LOC128462377: variants seen among roughly 807,000 people sequenced by gnomAD.
chr16:89,412,561 C>G, the LOC128462377 span: 8 of 152,200 alleles, frequency 5.3e-5, no homozygotes, highest in African/African-American at 1.9e-4. Flanking sequence ...AACCCAATTA[C>G]ATCTGGGAAG....
the LOC128462377 span, among the ~76,000 whole-genome samples, chr16:89,335,920 C>T: frequency 1.3e-5 from 2 of 152,222 alleles, no homozygotes; most frequent in Non-Finnish European, 2.9e-5. Flanking sequence ...CAGACCCCTG[C>T]CTGTGCTGAG....
chr16:89,392,489 T>G, the LOC128462377 span: 1 of 152,236 alleles, frequency 6.6e-6, no homozygotes, highest in African/African-American at 2.4e-5. Context: ...TTTGAAAATG[T>G]CTCAATGGGT....
chr16:89,379,984 C>T, the LOC128462377 span, among the ~76,000 whole-genome samples: 1 of 152,222 alleles, frequency 6.6e-6, no homozygotes, highest in Non-Finnish European at 1.5e-5. Flanking sequence ...ACACTATTTT[C>T]TGCATCTCCA....
At chr16:89,361,221 G>A in the LOC128462377 span, among the ~76,000 whole-genome samples, 14 of 152,328 alleles carry the variant, frequency 9.2e-5, 1 homozygote, top group African/African-American at 3.1e-4. Flanking sequence ...AACCCCAGCA[G>A]CACATCCCCC....
At chr16:89,363,861 G>C in the LOC128462377 span, among the ~76,000 whole-genome samples, 6 of 152,116 alleles carry the variant, frequency 3.9e-5, no homozygotes, top group Admixed American at 3.3e-4. Context: ...TTCGAGACCA[G>C]CCTGGCCATC....
At chr16:89,406,313 G>C in the LOC128462377 span, among the ~76,000 whole-genome samples, 2 of 152,178 alleles carry the variant, frequency 1.3e-5, no homozygotes, top group Non-Finnish European at 2.9e-5. Flanking sequence ...CAGAAGCACA[G>C]ACCCTCACTG....
chr16:89,319,434 T>C, the LOC128462377 span, among the ~76,000 whole-genome samples: 2 of 152,250 alleles, frequency 1.3e-5, no homozygotes, highest in East Asian at 1.9e-4. Flanking sequence ...CAGCGAACAC[T>C]CCGGGGACTC....
the LOC128462377 span, among the ~76,000 whole-genome samples, chr16:89,384,637 A>G: frequency 6.6e-6 from 1 of 152,196 alleles, no homozygotes; most frequent in Non-Finnish European, 1.5e-5. Context: ...CTGCACTGGC[A>G]GTGGCACTGA....
At chr16:89,385,830 G>A in the LOC128462377 span, among the ~76,000 whole-genome samples, 9 of 152,226 alleles carry the variant, frequency 5.9e-5, no homozygotes, top group African/African-American at 1.7e-4. Flanking sequence ...GCCAGAGGCC[G>A]GGGATTAGGC....
At chr16:89,396,641 G>C in the LOC128462377 span, among the ~76,000 whole-genome samples, 10 of 152,210 alleles carry the variant, frequency 6.6e-5, no homozygotes, top group East Asian at 1.9e-3. Flanking sequence ...CACATTAATG[G>C]GGTTTGTACA....
At chr16:89,324,179 G>C in the LOC128462377 span, 5 of 1,156,144 alleles carry the variant, frequency 4.3e-6, no homozygotes, top group Non-Finnish European at 5.5e-6. Context: ...TATCACGGCG[G>C]GGGGTGGCAG....
At chr16:89,352,474 G>A in the LOC128462377 span, among the ~76,000 whole-genome samples, 1 of 151,914 alleles carries the variant, frequency 6.6e-6, no homozygotes, top group Admixed American at 6.6e-5. Context: ...AGGAATGTCA[G>A]GGCAGATCTT....
At chr16:89,408,503 C>T in the LOC128462377 span, among the ~76,000 whole-genome samples, 1 of 152,248 alleles carries the variant, frequency 6.6e-6, no homozygotes. Flanking sequence ...CCTCACCCTG[C>T]TCTGGCACAC....
the LOC128462377 span, among the ~76,000 whole-genome samples, chr16:89,413,401 A>G: frequency 6.6e-6 from 1 of 152,150 alleles, no homozygotes; most frequent in African/African-American, 2.4e-5. Context: ...TGAGGTGGGC[A>G]GATCACGAGG....
chr16:89,334,918 C>A, the LOC128462377 span, among the ~76,000 whole-genome samples: 2 of 152,194 alleles, frequency 1.3e-5, no homozygotes, highest in East Asian at 3.9e-4. Flanking sequence ...TGCATGAGGG[C>A]CCCATGGTGC....
At chr16:89,384,786 GC>G in the LOC128462377 span, among the ~76,000 whole-genome samples, 9 of 151,196 alleles carry the variant, frequency 6.0e-5, no homozygotes, top group Admixed American at 4.0e-4. Context: ...GAAAAAGCAG[GC>G]CCACTAGACA....
the LOC128462377 span, among the ~76,000 whole-genome samples, chr16:89,380,680 T>C: frequency 1.3e-5 from 2 of 151,990 alleles, no homozygotes; most frequent in Non-Finnish European, 2.9e-5. Flanking sequence ...TAGAAATAAA[T>C]GAAGGAAAGC....
chr16:89,360,483 C>T, the LOC128462377 span: 17 of 152,160 alleles, frequency 1.1e-4, no homozygotes, highest in African/African-American at 3.9e-4. Context: ...TACCACAAAT[C>T]CTACAAAATT....
At chr16:89,335,607 G>T in the LOC128462377 span, among the ~76,000 whole-genome samples, 1 of 152,104 alleles carries the variant, frequency 6.6e-6, no homozygotes, top group Non-Finnish European at 1.5e-5. Context: ...GGAACCTTTG[G>T]TTTGCAAAGC....
Sources: gnomAD v4.1 joint callset for allele counts (sites outside exome capture counted in the v4.1 genomes callset) on GRCh38, gnomAD v4.1.1 for gene constraint, MANE v1.5 for transcripts.